ZYG11B: variants seen among roughly 807,000 people sequenced by gnomAD.
ZYG11B encodes the protein protein zyg-11 homolog B.
In ZYG11B, 36 loss-of-function variants were observed where a neutral mutation model predicts 82.4. The observed-to-expected ratio is 0.44, with a 90% CI of 0.33 to 0.58. The LOEUF (loss-of-function observed/expected upper bound fraction) is 0.58, where lower values mean the gene tolerates loss of function less well. ZYG11B is among the 20% of genes least tolerant of loss of function. The pLI, the probability that ZYG11B is intolerant of heterozygous loss-of-function variation, is 0.02. For synonymous variants in ZYG11B, 303 were observed against 312.8 expected (o/e 0.97, Z 0.33); for missense variants, 552 against 895.6 (o/e 0.62, Z 4.90).
intron 2 of ZYG11B, among the ~76,000 whole-genome samples, chr1:52,764,231 C>G (rs1644661227): frequency 6.6e-6 from 1 of 152,010 alleles, no homozygotes; most frequent in Non-Finnish European, 1.5e-5. Flanking sequence ...TCAAGTGATT[C>G]TCCTGCCTCA....
At chr1:52,744,813 C>G (rs1229911683) in intron 1 of ZYG11B, among the ~76,000 whole-genome samples, 1 of 152,136 alleles carries the variant, frequency 6.6e-6, no homozygotes, top group East Asian at 1.9e-4. Context: ...TTACTGCACT[C>G]CAGCCTGGCA....
At chr1:52,779,335 A>G (rs1178513591) in intron 3 of ZYG11B, among the ~76,000 whole-genome samples, 2 of 152,172 alleles carry the variant, frequency 1.3e-5, no homozygotes, top group South Asian at 2.1e-4. Flanking sequence ...AATTTCGCCC[A>G]TGGTCTTATG....
intron 10 of ZYG11B, among the ~76,000 whole-genome samples, chr1:52,803,682 G>A (rs796358937): frequency 6.6e-6 from 1 of 152,094 alleles, no homozygotes; most frequent in Non-Finnish European, 1.5e-5. Flanking sequence ...GCTCACTGCA[G>A]CCTTGACCTG....
At chr1:52,817,787 A>ATATATATATGTATG (rs1315303330) in intron 13 of ZYG11B, among the ~76,000 whole-genome samples, 1 of 28,930 alleles carries the variant, frequency 3.5e-5, no homozygotes, top group East Asian at 5.8e-4. Flanking sequence ...GTATATATAT[A>ATATATATATGTATG]TATATATATA....
chr1:52,772,480 A>G, intron 3 of ZYG11B: 1 of 1,591,240 alleles, frequency 6.3e-7, no homozygotes, highest in South Asian at 1.1e-5. Flanking sequence ...ACACCATGTG[A>G]TTCTCTCACG....
At chr1:52,763,208 A>G (rs1208746678) in intron 2 of ZYG11B, among the ~76,000 whole-genome samples, 1 of 152,116 alleles carries the variant, frequency 6.6e-6, no homozygotes, top group East Asian at 1.9e-4. Context: ...GCTTTATAGT[A>G]TATTTTGAAG....
chr1:52,773,978 C>G (rs1644781587), intron 3 of ZYG11B, among the ~76,000 whole-genome samples: 1 of 151,554 alleles, frequency 6.6e-6, no homozygotes, highest in Admixed American at 6.6e-5. Flanking sequence ...GAGTGGAGAT[C>G]TTAAGGGTGA....
chr1:52,797,043 A>T (rs867149478), intron 8 of ZYG11B, among the ~76,000 whole-genome samples: 12 of 89,304 alleles, frequency 1.3e-4, no homozygotes, highest in African/African-American at 6.0e-4. Context: ...ATATATATAA[A>T]TTTTTATATA....
chr1:52,755,303 T>A (rs527535783), intron 1 of ZYG11B, among the ~76,000 whole-genome samples: 19 of 152,182 alleles, frequency 1.2e-4, no homozygotes, highest in African/African-American at 4.3e-4. Context: ...CTTGTCAATA[T>A]CAATTGACCA....
intron 7 of ZYG11B, 93 bp from the exon 8 acceptor site, chr1:52,796,641 T>C: frequency 8.8e-7 from 1 of 1,131,928 alleles, no homozygotes. Context: ...ATCAGAGATT[T>C]TAGTCTCACC....
chr1:52,820,523 C>T (rs1645273949), intron 13 of ZYG11B, among the ~76,000 whole-genome samples: 1 of 151,266 alleles, frequency 6.6e-6, no homozygotes, highest in Admixed American at 6.6e-5. Context: ...TGGCTGGTGC[C>T]TATAGTCCCA....
Position 52,744,940 on chromosome 1 carries a change from T to C in ZYG11B, c.31-11518T>C, listed in dbSNP as rs182617334. ...CTTTTTCTTCTACTTTGTAAGGTTA[T>C]TGTGAGTATCAAATGAAATCAGGAT... is the stretch of plus-strand genomic sequence containing the variant. On this transcript the variant is annotated intron_variant, in intron 1 of 13. Transcript: ENST00000294353. Among the ~76,000 whole-genome samples the C allele has an allele frequency of 2.6e-5, 4 of 152,358 alleles. No individual in the cohort carries two copies. In the East Asian group the frequency reaches 7.7e-4, roughly 29 times the overall value.
intron 13 of ZYG11B, among the ~76,000 whole-genome samples, chr1:52,821,139 C>G (rs1645279897): frequency 6.6e-6 from 1 of 151,168 alleles, no homozygotes; most frequent in Non-Finnish European, 1.5e-5. Flanking sequence ...CAACACTTAC[C>G]TGTGATTTTG....
chr1:52,784,754 A>G (rs992100899), intron 4 of ZYG11B, 123 bp from the exon 5 acceptor site: 4 of 1,058,254 alleles, frequency 3.8e-6, no homozygotes, highest in Non-Finnish European at 5.6e-6. Context: ...CTCTTTGCAC[A>G]TGAGGATGAA....
chr1:52,742,493 A>AT (rs997560554), intron 1 of ZYG11B, among the ~76,000 whole-genome samples: 25 of 151,574 alleles, frequency 1.6e-4, no homozygotes, highest in East Asian at 1.6e-3. Flanking sequence ...AAAAGAGAGA[A>AT]TTTTTTTTGT....
In ZYG11B at chr1:52,771,426, C is replaced by G. The variant is rs764673234; in HGVS notation, c.603C>G (p.Ile201Met). The G allele has an allele frequency of 6.2e-7, 1 of 1,614,044 alleles. No homozygotes were observed. The highest frequency in any genetic ancestry group is 1.1e-5 in the South Asian group (1 of 91,084). The change falls in exon 3 of 14, where the codon ATC (isoleucine) becomes ATG (methionine). Residue 201 changes from isoleucine to methionine, a missense_variant. Physicochemically the swap from Ile to Met is conservative, Grantham distance 10 (BLOSUM62 1). Around this residue, in one of 3 missense-constraint regions of ZYG11B, gnomAD observed 359 missense variants for 555.8 expected, o/e 0.65. Coordinates refer to ENST00000294353, the MANE Select transcript of ZYG11B (RefSeq NM_024646.3). The surrounding 1 kb of genome is among the most constrained non-coding windows in gnomAD (Gnocchi z 5.4). ...TTTCTAACACCTCAATCACAGACATCACTGCTCTACTGGCCTGCAAAGACC... is the reference window on the plus strand; with the variant it reads ...TTTCTAACACCTCAATCACAGACATGACTGCTCTACTGGCCTGCAAAGACC... ...LDISNTSITD[I>M]TALLACKDRL...
chr1:52,780,328 A>G (rs1024065760), intron 4 of ZYG11B, among the ~76,000 whole-genome samples: 2 of 152,126 alleles, frequency 1.3e-5, no homozygotes, highest in Non-Finnish European at 2.9e-5. Context: ...TATTAACCCT[A>G]TATTGCTTCC....
chr1:52,752,260 C>T (rs1014827778), intron 1 of ZYG11B, among the ~76,000 whole-genome samples: 1 of 152,180 alleles, frequency 6.6e-6, no homozygotes, highest in African/African-American at 2.4e-5. Context: ...TACTTTAATA[C>T]AAAGGATATT....
chr1:52,737,047 A>G (rs1038775282), intron 1 of ZYG11B, among the ~76,000 whole-genome samples: 3 of 150,782 alleles, frequency 2.0e-5, no homozygotes, highest in African/African-American at 7.3e-5. Context: ...TTTTGCTTAC[A>G]CTGTTTCTTT....
Sources: gnomAD v4.1 joint callset for allele counts (sites outside exome capture counted in the v4.1 genomes callset) on GRCh38, gnomAD v4.1.1 for gene constraint, gnomAD v4.1.1 regional missense constraint, Gnocchi (gnomAD v3.1) non-coding constraint, MANE v1.5 for transcripts, NCBI Gene and HGNC (gene_info 2026-07-23, HGNC 2026-07-21) for gene names.